CDH18: variants seen among roughly 807,000 people sequenced by gnomAD.
The protein encoded by CDH18 is cadherin-18.
CDH18 carries 31 observed loss-of-function variants against 67.9 expected under a neutral mutation model. The observed-to-expected ratio is 0.46, with a 90% CI of 0.34 to 0.62. The LOEUF (loss-of-function observed/expected upper bound fraction) is 0.62, where lower values mean the gene tolerates loss of function less well. Ranked by LOEUF, CDH18 falls within the 20% of genes least tolerant of loss-of-function variation. The pLI is 0.01. For synonymous variants in CDH18, 362 were observed against 347.2 expected (o/e 1.04, Z -0.48); for missense variants, 890 against 975.5 (o/e 0.91, Z 1.17).
chr5:19,849,043 C>T (rs62352164), intron 2 of CDH18, among the ~76,000 whole-genome samples: 45,986 of 151,558 alleles, frequency 0.3, 7,948 homozygotes, highest in South Asian at 0.38. Flanking sequence ...AAGAATACAA[C>T]TCACAAAGTC....
chr5:19,750,764 C>T (rs1184029113), intron 3 of CDH18, among the ~76,000 whole-genome samples: 2 of 11,338 alleles, frequency 1.8e-4, no homozygotes, highest in Non-Finnish European at 4.5e-3. Flanking sequence ...AGTGAAGCCC[C>T]CCCCCCCCCA....
chr5:20,563,268 C>A lies in CDH18; in HGVS notation c.-580+12194G>T, dbSNP rs1459041214. Among the ~76,000 whole-genome samples the A allele has an allele frequency of 4.6e-5, 7 of 152,084 alleles. No individual in the cohort carries two copies. In the Middle Eastern group the frequency reaches 0.02, roughly 443 times the overall value. On this transcript the variant is annotated intron_variant, in intron 1 of 14. Coordinates refer to the CDH18 transcript ENST00000507958. The stretch of plus-strand genomic sequence containing the variant: ...GGAAATGTTGACATATGTGAGAGCT[C>A]ATAAATGAAAGTATCATCTAAACAC...
intron 3 of CDH18, among the ~76,000 whole-genome samples, chr5:19,791,096 A>T (rs1776303504): frequency 6.6e-6 from 1 of 152,136 alleles, no homozygotes; most frequent in South Asian, 2.1e-4. Context: ...AAAGCCTCCA[A>T]GTATGTATAC....
chr5:19,647,527 CAAAAAAAAAAAA>C lies in CDH18; in HGVS notation c.644-34938_644-34927del, dbSNP rs3062888. On this transcript the variant is annotated intron_variant, in intron 5 of 12. Transcript: ENST00000382275. The stretch of plus-strand genomic sequence containing the variant: ...CCCAGGTGACAGAGCGAGACTCCAT[CAAAAAAAAAAAA>C]AAAAAAAAAAAAAAAAAAAAGATGC... 2.0e-3 allele frequency among the ~76,000 whole-genome samples: 59 copies of C among 28,808 alleles called. No homozygotes were observed. The East Asian group carries it at 0.021, about 10-fold the overall frequency. 18.9% of individuals were successfully genotyped at this position (28,808 alleles called of 152,430 possible).
chr5:19,768,198 G>T (rs1405373266), intron 3 of CDH18, among the ~76,000 whole-genome samples: 1 of 152,082 alleles, frequency 6.6e-6, no homozygotes, highest in East Asian at 1.9e-4. Flanking sequence ...TTTACCTAAT[G>T]CAAATAGCTT....
chr5:20,509,318 T>A (rs1315223130), intron 1 of CDH18, among the ~76,000 whole-genome samples: 1 of 152,110 alleles, frequency 6.6e-6, no homozygotes, highest in South Asian at 2.1e-4. Context: ...ATAAGTGAGA[T>A]CATGTGGTAT....
At chr5:20,285,921 A>G (rs1746664372) in intron 1 of CDH18, among the ~76,000 whole-genome samples, 1 of 151,666 alleles carries the variant, frequency 6.6e-6, no homozygotes, top group South Asian at 2.1e-4. Flanking sequence ...TTTTTAAAAA[A>G]TTAAAGACCT....
At chr5:20,067,135 G>A (rs575250777) in intron 2 of CDH18, among the ~76,000 whole-genome samples, 9 of 152,044 alleles carry the variant, frequency 5.9e-5, no homozygotes, top group African/African-American at 2.2e-4. Flanking sequence ...AGGGAAGGAT[G>A]TATGTGGTTT....
intron 2 of CDH18, among the ~76,000 whole-genome samples, chr5:20,106,122 G>T (rs1746918346): frequency 1.3e-5 from 2 of 152,124 alleles, no homozygotes; most frequent in African/African-American, 4.8e-5. Context: ...TCATAAAGCA[G>T]GAGGAGAGAG....
rs188297103 is a variant in CDH18, at chr5:20,573,940, C to A, written c.-580+1522G>T. Among the ~76,000 whole-genome samples the A allele has an allele frequency of 3.2e-4, 45 of 140,952 alleles. 1 individual carries two copies. The East Asian group carries it at 8.5e-3, about 27-fold the overall frequency. The allele number at this position is 140,952 out of a possible 152,430, so 92.5% of individuals were successfully genotyped here. ...ATATAAAAGAAATATATATATATTT[C>A]TTTTAAGTATTTTATATATATATAC... On this transcript the variant is annotated intron_variant, in intron 1 of 14. Coordinates refer to the CDH18 transcript ENST00000507958.
In CDH18 at chr5:19,614,254, G is replaced by A. The variant is rs979528204; in HGVS notation, c.644-1653C>T. Among the ~76,000 whole-genome samples the A allele has an allele frequency of 3.3e-5, 5 of 151,618 alleles. No individual in the cohort carries two copies. The South Asian group carries it at 1.0e-3, about 31-fold the overall frequency. Reference sequence around the variant, plus strand: ...GGCTAAGTAATAATGACTTTGAGAGGAGAGCCTCAGGTATCAGAAAAGAAG... The same window carrying A: ...GGCTAAGTAATAATGACTTTGAGAGAAGAGCCTCAGGTATCAGAAAAGAAG... On this transcript the variant is annotated intron_variant, in intron 5 of 12. Coordinates refer to ENST00000382275, the MANE Select transcript of CDH18 (RefSeq NM_004934.5).
chr5:20,161,606 G>C (rs1372036248), intron 2 of CDH18, among the ~76,000 whole-genome samples: 1 of 152,170 alleles, frequency 6.6e-6, no homozygotes, highest in Non-Finnish European at 1.5e-5. Flanking sequence ...ATAAATAGAA[G>C]AGATCATTCA....
In CDH18 at chr5:19,787,808, G is replaced by GTT. The variant is rs34141867; in HGVS notation, c.229-40574_229-40573dup. Among the ~76,000 whole-genome samples the GTT allele has an allele frequency of 4.2e-3, 376 of 89,884 alleles. 2 individuals carry two copies. Among genetic ancestry groups the GTT allele is most frequent in the African/African-American group, 0.018 (322 of 18,256 alleles). 59.0% of individuals were successfully genotyped at this position (89,884 alleles called of 152,430 possible). ...GTCCAATGAATAGCAGTAATTTACA[G>GTT]TTATATATATATATATATATGTTTA... On this transcript the variant is annotated intron_variant, in intron 3 of 12. Transcript: ENST00000382275.
rs149806929 is a variant in CDH18, at chr5:19,692,990, C to T, written c.643+28357G>A. The stretch of plus-strand genomic sequence containing the variant: ...CACAATAGCAAAGCTATGGAATCAA[C>T]CTAAGTGGCTATCAATCGATTAATG... On this transcript the variant is annotated intron_variant, in intron 5 of 12. Transcript: ENST00000382275. Among the ~76,000 whole-genome samples, 301 of 152,148 alleles carry T rather than the reference C, an allele frequency of 2.0e-3. 5 individuals are homozygous for T. Among genetic ancestry groups the T allele is most frequent in the East Asian group, 4.0e-3 (21 of 5,186 alleles).
At chr5:20,213,367 C>G (rs565381291) in intron 2 of CDH18, among the ~76,000 whole-genome samples, 1 of 152,024 alleles carries the variant, frequency 6.6e-6, no homozygotes, top group Non-Finnish European at 1.5e-5. Context: ...TTTTGTTGTG[C>G]TCAGCATCAG....
At chr5:19,827,397 A>T (rs917634906) in intron 3 of CDH18, among the ~76,000 whole-genome samples, 2 of 152,078 alleles carry the variant, frequency 1.3e-5, no homozygotes, top group African/African-American at 4.8e-5. Flanking sequence ...TTTAACAAAT[A>T]TCTACAGAAC....
chr5:20,157,136 T>C (rs912195276), intron 2 of CDH18, among the ~76,000 whole-genome samples: 6 of 152,204 alleles, frequency 3.9e-5, no homozygotes, highest in African/African-American at 1.2e-4. Context: ...TGAGATTTTA[T>C]TGTGAAACTC....
chr5:19,720,061 C>T (rs568828336), intron 5 of CDH18, among the ~76,000 whole-genome samples: 140 of 152,112 alleles, frequency 9.2e-4, no homozygotes, highest in African/African-American at 3.3e-3. Context: ...CAATCAAATC[C>T]TCTTGTAAAC....
chr5:20,480,275 A>G (rs1365068620), intron 1 of CDH18, among the ~76,000 whole-genome samples: 1 of 152,242 alleles, frequency 6.6e-6, no homozygotes, highest in African/African-American at 2.4e-5. Context: ...TAAATTACTG[A>G]TAACTTGAGT....
Sources: allele counts gnomAD v4.1 joint callset (sites outside exome capture counted in the v4.1 genomes callset), GRCh38; gene constraint gnomAD v4.1.1; transcripts MANE v1.5; gene names NCBI Gene and HGNC (gene_info 2026-07-23, HGNC 2026-07-21).